The following CHD6 variants were observed in gnomAD, a reference collection of about 807,000 sequenced individuals.
The protein encoded by CHD6 is ATP-dependent chromatin remodeler CHD6.
Under a neutral mutation model 276.9 loss-of-function variants are expected in CHD6, and 50 were observed. That is an observed-to-expected ratio of 0.18 (90% CI 0.14 to 0.23). The LOEUF is 0.23. CHD6 is among the 10% of genes least tolerant of loss of function. The probability of loss-of-function intolerance (pLI) is 1.00; values close to 1 mark genes in which losing one functional copy is unlikely to be tolerated. For synonymous variants in CHD6, 1,173 were observed against 1,229.3 expected, an observed-to-expected ratio of 0.95 and a Z score of 0.96; for missense variants, 2,564 against 3,365.8, an observed-to-expected ratio of 0.76 and a Z score of 5.89.
intron 1 of CHD6, among the ~76,000 whole-genome samples, chr20:41,560,225 T>C (rs1200087549): frequency 2.6e-5 from 4 of 151,950 alleles, no homozygotes; most frequent in African/African-American, 4.8e-5. Context: ...TATTGTGTCT[T>C]AAAAAAAATA....
At chr20:41,601,535 C>A (rs2045773446) in intron 1 of CHD6, among the ~76,000 whole-genome samples, 1 of 152,134 alleles carries the variant, frequency 6.6e-6, no homozygotes, top group South Asian at 2.1e-4. Context: ...CTAAATGACT[C>A]AAAGATTATG....
intron 1 of CHD6, among the ~76,000 whole-genome samples, chr20:41,559,510 C>CT (rs1237251702): frequency 6.6e-6 from 1 of 152,198 alleles, no homozygotes; most frequent in African/African-American, 2.4e-5. Context: ...GCATTTTAAA[C>CT]TATGGACCAT....
chr20:41,543,904 T>C (rs2044992181), intron 2 of CHD6, among the ~76,000 whole-genome samples: 1 of 152,226 alleles, frequency 6.6e-6, no homozygotes, highest in Admixed American at 6.5e-5. Context: ...TTTTTCATAA[T>C]ACTTTAACCC....
intron 1 of CHD6, among the ~76,000 whole-genome samples, chr20:41,554,536 G>A (rs577800909): frequency 9.0e-4 from 136 of 151,550 alleles, no homozygotes; most frequent in African/African-American, 2.5e-3. Context: ...AGGACCCTGC[G>A]GCCTTCCGCA....
intron 1 of CHD6, among the ~76,000 whole-genome samples, chr20:41,603,650 G>A (rs1333606402): frequency 6.6e-6 from 1 of 152,162 alleles, no homozygotes; most frequent in Non-Finnish European, 1.5e-5. Flanking sequence ...TGGATTGCCT[G>A]AGCTCAGGAG....
chr20:41,493,975 G>C (rs1484823345), intron 8 of CHD6, 31 bp from the exon 9 acceptor site: 2 of 1,552,662 alleles, frequency 1.3e-6, no homozygotes, highest in Non-Finnish European at 1.8e-6. Context: ...CAGTTAGGAA[G>C]TATGTCCCCT....
chr20:41,510,422 C>A (rs1223751170), intron 5 of CHD6, among the ~76,000 whole-genome samples: 1 of 152,216 alleles, frequency 6.6e-6, no homozygotes, highest in Non-Finnish European at 1.5e-5. Context: ...GTAGCCTGCC[C>A]TGCATGCTAG....
chr20:41,498,647 G>A (rs1441712248), intron 6 of CHD6, among the ~76,000 whole-genome samples: 1 of 152,242 alleles, frequency 6.6e-6, no homozygotes, highest in African/African-American at 2.4e-5. Flanking sequence ...TAAAGATGAA[G>A]CCGTGCTCTC....
At chr20:41,461,973 G>T (rs1360828901) in intron 17 of CHD6, 1 of 152,242 alleles carries the variant, frequency 6.6e-6, no homozygotes, top group Non-Finnish European at 1.5e-5. Flanking sequence ...CTCTTGCCAG[G>T]CTGCAGGGCA....
At chr20:41,580,994 T>C (rs1430783560) in intron 1 of CHD6, among the ~76,000 whole-genome samples, 1 of 152,224 alleles carries the variant, frequency 6.6e-6, no homozygotes, top group African/African-American at 2.4e-5. Flanking sequence ...CAAAGGTGGT[T>C]ACTTCCTTAA....
At chr20:41,617,947 CG>C (rs1355263620) in intron 1 of CHD6, among the ~76,000 whole-genome samples, 5 of 145,922 alleles carry the variant, frequency 3.4e-5, no homozygotes, top group East Asian at 2.0e-4. Context: ...GCGCCCGCCC[CG>C]GGGGGGGCCT....
At chr20:41,461,559 T>C (rs1035162630) in intron 17 of CHD6, among the ~76,000 whole-genome samples, 4 of 152,202 alleles carry the variant, frequency 2.6e-5, no homozygotes, top group African/African-American at 9.7e-5. Context: ...GCCGCTTCCA[T>C]GTAAGAAGAG....
chr20:41,554,409 T>A (rs903885822), intron 1 of CHD6, among the ~76,000 whole-genome samples: 4 of 148,584 alleles, frequency 2.7e-5, no homozygotes, highest in East Asian at 2.0e-4. Flanking sequence ...TTATTTATTT[T>A]ATTGATCATT....
rs1281136128 is a variant in CHD6 at position 41,491,673 on chromosome 20, A to C, written c.1436+25T>G. The C allele has an allele frequency of 1.9e-6, 3 of 1,613,348 alleles. No individual in the cohort carries two copies. The Admixed American group carries it at 5.0e-5, about 27-fold the overall frequency. The stretch of plus-strand genomic sequence containing the variant: ...CAATAATATACCTCTGGGTACAAAC[A>C]TCTGGGCTGGTTTTGGTTCCTTACC... On this transcript the variant is annotated intron_variant, in intron 11 of 36. Coordinates refer to ENST00000373233, the MANE Select transcript of CHD6 (RefSeq NM_032221.5).
chr20:41,415,264 C>T lies in CHD6; in HGVS notation c.6861G>A (p.Arg2287=). ...LRRDDAATRR[R]RGRRKHVEGG... is the part of the protein sequence containing the mutation. ...CTTCAACATGTTTCCGCCTCCCTCT[C>T]CGCCTCCTCGTGGCTGCATCATCTC... The change falls in exon 34 of 37, where the codon CGG becomes CGA. Residue 2287 remains arginine (R), a synonymous_variant. Transcript: ENST00000373233. The T allele has an allele frequency of 6.2e-7, 1 of 1,614,216 alleles. No individual in the cohort carries two copies. The highest frequency in any genetic ancestry group is 1.3e-5 in the African/African-American group (1 of 75,062).
chr20:41,609,772 A>G (rs1231758494), intron 1 of CHD6, among the ~76,000 whole-genome samples: 2 of 152,090 alleles, frequency 1.3e-5, no homozygotes, highest in Non-Finnish European at 1.5e-5. Flanking sequence ...CTGTATGATT[A>G]GACTCACTTT....
At chr20:41,498,397 G>A (rs1455853618) in intron 6 of CHD6, among the ~76,000 whole-genome samples, 171 bp from the exon 7 acceptor site, 2 of 152,128 alleles carry the variant, frequency 1.3e-5, no homozygotes, top group Non-Finnish European at 2.9e-5. Flanking sequence ...GTTTTCCAAA[G>A]GTGGAATACA....
At chr20:41,494,088 G>A (rs954484019) in intron 8 of CHD6, 144 bp from the exon 9 acceptor site, 47 of 600,220 alleles carry the variant, frequency 7.8e-5, no homozygotes, top group Middle Eastern at 4.4e-4. Context: ...TAAAAGTCAC[G>A]GCATTTATTC....
intron 23 of CHD6, among the ~76,000 whole-genome samples, chr20:41,448,985 T>C (rs1385413676): frequency 2.6e-5 from 4 of 150,970 alleles, no homozygotes; most frequent in Admixed American, 1.3e-4. Context: ...CACTGCAACC[T>C]CCCCCTCCTG....
Sources: gnomAD v4.1 joint callset for allele counts (sites outside exome capture counted in the v4.1 genomes callset) on GRCh38, gnomAD v4.1.1 for gene constraint, MANE v1.5 for transcripts, NCBI Gene and HGNC (gene_info 2026-07-23, HGNC 2026-07-21) for gene names.